Variants in SLC22A15 observed in about 807,000 individuals in gnomAD.
SLC22A15 encodes flipt 1.
Under a neutral mutation model 62.7 loss-of-function variants are expected in SLC22A15, and 45 were observed. The ratio of observed to expected loss-of-function variants is 0.72; its 90% CI spans 0.56 to 0.92. SLC22A15 has a LOEUF of 0.92. Ranked by LOEUF, SLC22A15 falls within the 40% of genes least tolerant of loss-of-function variation. The pLI is 0.00. For missense variants in SLC22A15, 622 were observed against 665.6 expected (o/e 0.93, Z 0.72); for synonymous variants, 264 against 267.0 (o/e 0.99, Z 0.11).
chr1:115,987,786 G>A (rs374938178), intron 1 of SLC22A15, among the ~76,000 whole-genome samples: 20 of 152,076 alleles, frequency 1.3e-4, no homozygotes, highest in African/African-American at 4.8e-4. Context: ...TGGCCCCAAA[G>A]TTAAGTGGTT....
At chr1:116,000,726 G>A (rs1000736685) in intron 2 of SLC22A15, among the ~76,000 whole-genome samples, 4 of 147,972 alleles carry the variant, frequency 2.7e-5, no homozygotes, top group Non-Finnish European at 5.9e-5. Context: ...TGCCTTCCAG[G>A]TTCCTTCGAT....
intron 2 of SLC22A15, among the ~76,000 whole-genome samples, chr1:116,003,069 A>C (rs1655815103): frequency 1.3e-5 from 2 of 151,906 alleles, no homozygotes; most frequent in South Asian, 4.2e-4. Context: ...GCAGGTGGTA[A>C]ATTCTGGCAG....
intron 8 of SLC22A15, among the ~76,000 whole-genome samples, chr1:116,040,095 T>G (rs927415725): frequency 6.6e-6 from 1 of 152,162 alleles, no homozygotes; most frequent in Non-Finnish European, 1.5e-5. Flanking sequence ...AGCACCTGTA[T>G]TTGATTGTGG....
chr1:116,050,075 T>C (rs1404660034), intron 8 of SLC22A15, among the ~76,000 whole-genome samples: 3 of 151,756 alleles, frequency 2.0e-5, no homozygotes, highest in African/African-American at 7.3e-5. Context: ...AACAGACCAA[T>C]AACAAGCAAC....
In SLC22A15 at chr1:115,984,444, C is replaced by G. The variant is rs1654756983; in HGVS notation, c.88-7587C>G. On this transcript the variant is annotated intron_variant, in intron 1 of 11. Transcript: ENST00000369503. ...TAATATAGCATTCATCACAATCCAC[C>G]TTGTATTTACAGCTTTGGATATACA... is the stretch of plus-strand genomic sequence containing the variant. Among the ~76,000 whole-genome samples the G allele has an allele frequency of 1.3e-5, 2 of 152,096 alleles. 1 individual carries two copies. Among genetic ancestry groups the G allele is most frequent in the Non-Finnish European group, 2.9e-5 (2 of 68,022 alleles).
At chr1:116,065,996 C>T (rs1298633460) in intron 10 of SLC22A15, among the ~76,000 whole-genome samples, 1 of 152,226 alleles carries the variant, frequency 6.6e-6, no homozygotes, top group South Asian at 2.1e-4. Context: ...ATATGTATGT[C>T]GTAGGGTTGG....
chr1:116,004,114 A>G (rs1279875954), intron 2 of SLC22A15, among the ~76,000 whole-genome samples: 3 of 152,166 alleles, frequency 2.0e-5, no homozygotes, highest in East Asian at 3.8e-4. Flanking sequence ...TCCTTGTTAT[A>G]TAAGTCCTCA....
chr1:116,045,040 A>G (rs900673466), intron 8 of SLC22A15, among the ~76,000 whole-genome samples: 2 of 152,058 alleles, frequency 1.3e-5, no homozygotes, highest in Non-Finnish European at 2.9e-5. Flanking sequence ...ACAAGTTAAT[A>G]CTAAAACTTT....
intron 1 of SLC22A15, among the ~76,000 whole-genome samples, chr1:115,990,743 A>T (rs1016936132): frequency 6.6e-6 from 1 of 152,150 alleles, no homozygotes; most frequent in African/African-American, 2.4e-5. Context: ...CAGAATGGAA[A>T]CATCACATCT....
At chr1:116,043,285 T>C (rs59393141) in intron 8 of SLC22A15, among the ~76,000 whole-genome samples, 7,530 of 151,970 alleles carry the variant, frequency 0.05, 253 homozygotes, top group African/African-American at 0.089. Flanking sequence ...TATTAGCCAG[T>C]CATGGTGGTG....
At chr1:115,980,401 ACTGT>A (rs1471220342) in intron 1 of SLC22A15, among the ~76,000 whole-genome samples, 3 of 152,184 alleles carry the variant, frequency 2.0e-5, no homozygotes, top group Admixed American at 1.3e-4. Flanking sequence ...TTACTGCAAC[ACTGT>A]CTATTATAAC....
intron 2 of SLC22A15, among the ~76,000 whole-genome samples, chr1:115,999,762 G>A (rs925385953): frequency 5.9e-5 from 9 of 151,980 alleles, no homozygotes; most frequent in East Asian, 5.8e-4. Flanking sequence ...CCTCCACCCC[G>A]CAAAGTGCTA....
intron 4 of SLC22A15, among the ~76,000 whole-genome samples, chr1:116,026,549 G>A (rs1051084987): frequency 2.6e-5 from 4 of 152,152 alleles, no homozygotes; most frequent in Non-Finnish European, 5.9e-5. Flanking sequence ...TTACCCATAT[G>A]GCAAAAATAT....
intron 1 of SLC22A15, among the ~76,000 whole-genome samples, chr1:115,980,668 T>TA (rs1342017171): frequency 1.3e-5 from 2 of 151,380 alleles, no homozygotes; most frequent in Non-Finnish European, 2.9e-5. Flanking sequence ...TATAGAAATA[T>TA]AAGAACATGG....
chr1:116,023,526 A>G (rs1268443811), intron 4 of SLC22A15, among the ~76,000 whole-genome samples: 2 of 152,214 alleles, frequency 1.3e-5, no homozygotes, highest in African/African-American at 4.8e-5. Flanking sequence ...TTGCATGTCT[A>G]TTCCACAGCA....
At chr1:116,063,162 C>T (rs1046100931) in intron 9 of SLC22A15, among the ~76,000 whole-genome samples, 1 of 152,212 alleles carries the variant, frequency 6.6e-6, no homozygotes, top group Non-Finnish European at 1.5e-5. Flanking sequence ...TGCACAGATG[C>T]TATTATTATT....
intron 5 of SLC22A15, chr1:116,027,458 C>T: frequency 2.1e-6 from 1 of 468,682 alleles, no homozygotes; most frequent in Non-Finnish European, 4.4e-6. Flanking sequence ...TAAACATTGA[C>T]TCTGGAAGAG....
At chr1:115,990,407 C>T (rs985392440) in intron 1 of SLC22A15, among the ~76,000 whole-genome samples, 1 of 152,184 alleles carries the variant, frequency 6.6e-6, no homozygotes, top group Non-Finnish European at 1.5e-5. Flanking sequence ...AATTAAATTT[C>T]AGCAGAGTAT....
chr1:116,007,701 C>CCA (rs1179039378), intron 2 of SLC22A15, among the ~76,000 whole-genome samples: 1 of 152,106 alleles, frequency 6.6e-6, no homozygotes, highest in Non-Finnish European at 1.5e-5. Context: ...ACCAACAACC[C>CCA]CACTCTATTA....
Sources: gnomAD v4.1 joint callset for allele counts (sites outside exome capture counted in the v4.1 genomes callset) on GRCh38, gnomAD v4.1.1 for gene constraint, MANE v1.5 for transcripts, NCBI Gene and HGNC (gene_info 2026-07-23, HGNC 2026-07-21) for gene names.